The following PDZRN4 variants were observed in gnomAD, a reference collection of about 807,000 sequenced individuals.
PDZRN4 encodes the protein PDZ domain-containing RING finger protein 4.
In PDZRN4, 70 loss-of-function variants were observed where a neutral mutation model predicts 99.0. The ratio of observed to expected loss-of-function variants is 0.71; its 90% confidence interval spans 0.58 to 0.86. PDZRN4 has a LOEUF of 0.86. Among genes scored for constraint, PDZRN4 ranks in the 40% least tolerant of loss-of-function variants. PDZRN4 has a pLI of 0.00. For synonymous variants in PDZRN4, 551 were observed against 501.6 expected, an observed-to-expected ratio of 1.10 and a Z score of -1.32; for missense variants, 1,474 against 1,331.2, an observed-to-expected ratio of 1.11 and a Z score of -1.67.
chr12:41,197,524 C>T (rs968972346), intron 3 of PDZRN4, among the ~76,000 whole-genome samples: 5 of 152,088 alleles, frequency 3.3e-5, no homozygotes, highest in African/African-American at 1.2e-4. Flanking sequence ...ACTATTTATG[C>T]TTGTAAATTT....
intron 5 of PDZRN4, among the ~76,000 whole-genome samples, chr12:41,540,449 C>T (rs999864009): frequency 1.3e-5 from 2 of 152,042 alleles, no homozygotes; most frequent in African/African-American, 2.4e-5. Context: ...CTTTGATCTA[C>T]CTTCAGGAAC....
At chr12:41,448,016 A>C (rs1015253617) in intron 3 of PDZRN4, among the ~76,000 whole-genome samples, 3 of 152,120 alleles carry the variant, frequency 2.0e-5, no homozygotes, top group African/African-American at 7.2e-5. Flanking sequence ...TCGGCATAGG[A>C]AGAGAAATCC....
chr12:41,363,893 C>T (rs1437478315), intron 3 of PDZRN4, among the ~76,000 whole-genome samples: 4 of 152,018 alleles, frequency 2.6e-5, no homozygotes, highest in Admixed American at 1.3e-4. Flanking sequence ...GTGTATAATT[C>T]CTCATCTTTG....
Position 41,490,610 on chromosome 12 carries a change from T to A in PDZRN4, c.844-15846T>A, listed in dbSNP as rs115517440. On this transcript the variant is annotated intron_variant, in intron 3 of 9. Transcript: ENST00000402685. ...GTATGTTTTATATTTATTATTGCAT[T>A]TGTTATATGTTATCTCCCCCACAGG... is the stretch of plus-strand genomic sequence containing the variant. 5.6e-3 allele frequency among the ~76,000 whole-genome samples: 845 copies of A among 152,188 alleles called. 10 individuals carry two copies. The highest frequency in any genetic ancestry group is 0.019 in the African/African-American group (802 of 41,530).
intron 3 of PDZRN4, among the ~76,000 whole-genome samples, chr12:41,232,039 A>G (rs555240396): frequency 6.6e-6 from 1 of 152,104 alleles, no homozygotes; most frequent in South Asian, 2.1e-4. Flanking sequence ...AACAAAGACG[A>G]GGTATATAAA....
intron 3 of PDZRN4, among the ~76,000 whole-genome samples, chr12:41,480,210 C>T (rs1269141066): frequency 6.6e-6 from 1 of 152,098 alleles, no homozygotes; most frequent in Non-Finnish European, 1.5e-5. Context: ...GTCTCTGTGG[C>T]CTGGAGTCCT....
At chr12:41,270,490 T>C (rs185859732) in intron 3 of PDZRN4, among the ~76,000 whole-genome samples, 1 of 152,250 alleles carries the variant, frequency 6.6e-6, no homozygotes, top group African/African-American at 2.4e-5. Flanking sequence ...AGATGGCTTG[T>C]GTAACAAAAG....
At chr12:41,417,660 G>A (rs374309143) in intron 3 of PDZRN4, among the ~76,000 whole-genome samples, 5 of 152,264 alleles carry the variant, frequency 3.3e-5, no homozygotes, top group African/African-American at 9.6e-5. Flanking sequence ...TAGAGAGGAG[G>A]CACTTGATTC....
At chr12:41,570,221 A>G (rs1372022957) in intron 9 of PDZRN4, among the ~76,000 whole-genome samples, 1 of 152,228 alleles carries the variant, frequency 6.6e-6, no homozygotes, top group African/African-American at 2.4e-5. Context: ...TGAGAAGTAC[A>G]GAAACCTTTA....
intron 3 of PDZRN4, among the ~76,000 whole-genome samples, chr12:41,415,398 T>C (rs965901090): frequency 6.7e-6 from 1 of 149,994 alleles, no homozygotes; most frequent in African/African-American, 2.4e-5. Flanking sequence ...AACAAAGATA[T>C]ACATATCATT....
intron 3 of PDZRN4, chr12:41,437,893 C>T: frequency 2.5e-6 from 4 of 1,613,668 alleles, no homozygotes; most frequent in East Asian, 2.2e-5. Context: ...GTTCACTTGC[C>T]TTTCAGTTCT....
In PDZRN4 at chr12:41,471,513, T is replaced by C. The variant is rs568634992; in HGVS notation, c.844-34943T>C. On this transcript the variant is annotated intron_variant, in intron 3 of 9. Coordinates refer to ENST00000402685, the MANE Select transcript of PDZRN4 (RefSeq NM_001164595.2). ...AATATTGCCTTCTACAAGGTAGAAA[T>C]TATTTATATAATATTTATAATTTAT... 2.0e-5 allele frequency among the ~76,000 whole-genome samples: 3 copies of C among 150,092 alleles called. No individual in the cohort carries two copies. In the South Asian group the frequency reaches 6.2e-4, roughly 31 times the overall value.
chr12:41,276,360 C>T (rs1288644024), intron 3 of PDZRN4, among the ~76,000 whole-genome samples: 3 of 151,850 alleles, frequency 2.0e-5, no homozygotes, highest in African/African-American at 7.3e-5. Context: ...TTTAAGAACC[C>T]TTTTTAGTAT....
intron 3 of PDZRN4, among the ~76,000 whole-genome samples, chr12:41,278,934 T>A (rs551820588): frequency 1.3e-5 from 2 of 152,284 alleles, no homozygotes; most frequent in Non-Finnish European, 2.9e-5. Context: ...TATCTCAGCC[T>A]TTCAGCCTTC....
At chr12:41,571,406 A>T (rs1410572408) in intron 9 of PDZRN4, among the ~76,000 whole-genome samples, 3 of 144,272 alleles carry the variant, frequency 2.1e-5, no homozygotes, top group Non-Finnish European at 3.0e-5. Context: ...ACACACACAC[A>T]CTACATAAAC....
chr12:41,249,337 G>A (rs1409430433), intron 3 of PDZRN4, among the ~76,000 whole-genome samples: 4 of 152,142 alleles, frequency 2.6e-5, no homozygotes, highest in African/African-American at 7.2e-5. Context: ...CACTAATTAA[G>A]ACAAATTCCT....
chr12:41,321,099 C>A (rs1393356167), intron 3 of PDZRN4, among the ~76,000 whole-genome samples: 2 of 152,098 alleles, frequency 1.3e-5, no homozygotes, highest in Non-Finnish European at 2.9e-5. Context: ...ATTTTTCTTA[C>A]ATACTGGGAA....
chr12:41,279,087 G>A (rs1951367619), intron 3 of PDZRN4, among the ~76,000 whole-genome samples: 1 of 152,158 alleles, frequency 6.6e-6, no homozygotes, highest in Non-Finnish European at 1.5e-5. Flanking sequence ...CTCTCAAAGG[G>A]CACTGGGAAA....
At chr12:41,509,736 A>G in intron 4 of PDZRN4, 75 bp from the exon 5 acceptor site, 1 of 703,776 alleles carries the variant, frequency 1.4e-6, no homozygotes, top group Non-Finnish European at 2.4e-6. Context: ...AACTAAAGTG[A>G]AATTCTAAAA....
Sources: gnomAD v4.1 joint callset for allele counts (sites outside exome capture counted in the v4.1 genomes callset) on GRCh38, gnomAD v4.1.1 for gene constraint, MANE v1.5 for transcripts, NCBI Gene and HGNC (gene_info 2026-07-23, HGNC 2026-07-21) for gene names.